Variants in NTRK1 observed in about 807,000 individuals in gnomAD.
The protein encoded by NTRK1 is high affinity nerve growth factor receptor.
NTRK1 carries 62 observed loss-of-function variants against 86.8 expected under a neutral mutation model. The ratio of observed to expected loss-of-function variants is 0.71; its 90% CI spans 0.58 to 0.88. The LOEUF (loss-of-function observed/expected upper bound fraction) is 0.88. NTRK1 is among the 40% of genes least tolerant of loss of function. The pLI is 0.00. For missense variants in NTRK1, 967 were observed against 1,078.4 expected, an observed-to-expected ratio of 0.90 and a Z score of 1.45; for synonymous variants, 469 against 456.6, an observed-to-expected ratio of 1.03 and a Z score of -0.35.
At position 156,881,822 on chromosome 1, in the gene NTRK1, G is replaced by A. The variant is rs953719115; in HGVS notation, c.*180G>A. 5.9e-5 allele frequency: 35 copies of A among 597,128 alleles called. No homozygotes were observed. The highest frequency in any genetic ancestry group is 2.7e-4 in the Admixed American group (8 of 29,126). The allele number at this position is 597,128 out of a possible 1,614,324, so 37.0% of individuals were successfully genotyped here. Reference sequence around the variant, plus strand: ...TTCCTGCTTCTCTAGGCAAGGTCCCGTCATAGCAATTATATTTATTATCCC... The same window carrying A: ...TTCCTGCTTCTCTAGGCAAGGTCCCATCATAGCAATTATATTTATTATCCC... On this transcript the variant is annotated 3_prime_UTR_variant, in exon 17 of 17. Transcript: ENST00000524377.
upstream of NTRK1, chr1:156,858,966 C>A: frequency 3.6e-6 from 1 of 277,148 alleles, no homozygotes. Flanking sequence ...GGCCAGCCAA[C>A]CCTGAGGGCG....
At chr1:156,866,614 G>C (rs1475824417) in intron 3 of NTRK1, among the ~76,000 whole-genome samples, 1 of 152,198 alleles carries the variant, frequency 6.6e-6, no homozygotes, top group Non-Finnish European at 1.5e-5. Flanking sequence ...TGGGGCCAAA[G>C]CAGTGGGGGA....
intron 1 of NTRK1, chr1:156,816,643 C>T (rs752878520): frequency 5.0e-6 from 8 of 1,594,356 alleles, no homozygotes; most frequent in Non-Finnish European, 6.8e-6. Context: ...TTTGTGCCCC[C>T]TCCCACCCAT....
chr1:156,860,272 G>T (rs547702684), upstream of NTRK1, among the ~76,000 whole-genome samples: 1 of 152,202 alleles, frequency 6.6e-6, no homozygotes, highest in Admixed American at 6.5e-5. Context: ...CCACCCTGTG[G>T]CTTCTCTTGG....
At chr1:156,872,930 G>T (rs999206221) in intron 7 of NTRK1, among the ~76,000 whole-genome samples, 8 of 151,534 alleles carry the variant, frequency 5.3e-5, no homozygotes, top group African/African-American at 1.7e-4. Context: ...GCCCGCCTCG[G>T]CCTCCCAAAG....
At chr1:156,858,193 C>G (rs1440911193), upstream of NTRK1, among the ~76,000 whole-genome samples, 1 of 152,216 alleles carries the variant, frequency 6.6e-6, no homozygotes, top group African/African-American at 2.4e-5. Context: ...CCACCCCTGC[C>G]TCTTCCCATT....
At chr1:156,864,197 G>A (rs1402435303) in intron 1 of NTRK1, among the ~76,000 whole-genome samples, 157 bp from the exon 2 acceptor site, 1 of 151,164 alleles carries the variant, frequency 6.6e-6, no homozygotes, top group East Asian at 1.9e-4. Context: ...GTATGCATTT[G>A]TGTGTGCACG....
chr1:156,853,465 C>A (rs894771946), intron 2 of NTRK1, among the ~76,000 whole-genome samples: 1 of 152,194 alleles, frequency 6.6e-6, no homozygotes, highest in Admixed American at 6.5e-5. Flanking sequence ...CTGCTTCTTG[C>A]GCTGCCTACT....
chr1:156,822,633 A>G (rs1326473175), intron 1 of NTRK1, among the ~76,000 whole-genome samples: 2 of 148,954 alleles, frequency 1.3e-5, no homozygotes, highest in African/African-American at 2.5e-5. Context: ...AAAAAAAGCT[A>G]TAGCCTTCTT....
chr1:156,827,540 G>C (rs1035057234), intron 1 of NTRK1, among the ~76,000 whole-genome samples: 1 of 152,156 alleles, frequency 6.6e-6, no homozygotes, highest in African/African-American at 2.4e-5. Flanking sequence ...GAGATTACAC[G>C]TGTGAACCAC....
intron 1 of NTRK1, among the ~76,000 whole-genome samples, chr1:156,837,018 A>G (rs1461147917): frequency 1.3e-5 from 2 of 152,134 alleles, no homozygotes; most frequent in Non-Finnish European, 2.9e-5. Flanking sequence ...CACTTAACCC[A>G]TGGCCCATCA....
chr1:156,839,729 C>A (rs565137505), intron 1 of NTRK1, among the ~76,000 whole-genome samples: 9 of 152,142 alleles, frequency 5.9e-5, no homozygotes, highest in Non-Finnish European at 1.3e-4. Context: ...AAATACCTAC[C>A]CAGTGGACCG....
intron 2 of NTRK1, chr1:156,845,278 G>T (rs753867789): frequency 1.2e-6 from 2 of 1,612,434 alleles, no homozygotes; most frequent in African/African-American, 1.3e-5. Context: ...CAGCTGCCCG[G>T]CGGTGCCGCC....
intron 6 of NTRK1, among the ~76,000 whole-genome samples, chr1:156,870,037 A>G (rs1647460619): frequency 6.6e-6 from 1 of 152,226 alleles, no homozygotes; most frequent in South Asian, 2.1e-4. Flanking sequence ...GGGGCTTCAG[A>G]CATGGTGGAG....
At chr1:156,821,045 C>A (rs1342101214) in intron 1 of NTRK1, among the ~76,000 whole-genome samples, 1 of 152,086 alleles carries the variant, frequency 6.6e-6, no homozygotes, top group Non-Finnish European at 1.5e-5. Context: ...CTTTAACCTT[C>A]TTGGTTAAAT....
intron 1 of NTRK1, among the ~76,000 whole-genome samples, chr1:156,831,444 C>T (rs975087482): frequency 1.3e-5 from 2 of 152,204 alleles, no homozygotes; most frequent in Non-Finnish European, 1.5e-5. Flanking sequence ...AGCCCCGCAG[C>T]AGCTGTAGTT....
At chr1:156,831,763 G>T (rs979370050) in intron 1 of NTRK1, among the ~76,000 whole-genome samples, 3 of 152,318 alleles carry the variant, frequency 2.0e-5, no homozygotes, top group Non-Finnish European at 2.9e-5. Flanking sequence ...GAGGGTTAGG[G>T]CAGAAAGATG....
At chr1:156,876,912 G>A (rs1034958460) in intron 14 of NTRK1, among the ~76,000 whole-genome samples, 13 of 152,216 alleles carry the variant, frequency 8.5e-5, no homozygotes, top group African/African-American at 2.7e-4. Context: ...TTTAGATAAC[G>A]ACAGTAACAA....
chr1:156,878,939 G>A (rs1459459949), intron 14 of NTRK1, among the ~76,000 whole-genome samples, 183 bp from the exon 15 acceptor site: 1 of 152,050 alleles, frequency 6.6e-6, no homozygotes, highest in Non-Finnish European at 1.5e-5. Context: ...CCTGGAGGTG[G>A]GCACACCTGT....
Sources: gnomAD v4.1 joint callset for allele counts (sites outside exome capture counted in the v4.1 genomes callset) on GRCh38, gnomAD v4.1.1 for gene constraint, MANE v1.5 for transcripts, NCBI Gene and HGNC (gene_info 2026-07-23, HGNC 2026-07-21) for gene names.